Variants in SLC7A14 observed in about 807,000 individuals in gnomAD.
SLC7A14 encodes solute carrier family 7 member 14, also known as gamma-aminobutyric acid transporter SLC7A14.
In SLC7A14, 37 loss-of-function variants were observed where a neutral mutation model predicts 60.2. The observed-to-expected ratio is 0.61, with a 90% CI of 0.47 to 0.81. The LOEUF (loss-of-function observed/expected upper bound fraction) is 0.81, where lower values mean the gene tolerates loss of function less well. Among genes scored for constraint, SLC7A14 ranks in the 30% least tolerant of loss-of-function variants. The pLI is 0.00. For missense variants in SLC7A14, 886 were observed against 982.7 expected (o/e 0.90, Z 1.32); for synonymous variants, 399 against 395.8 (o/e 1.01, Z -0.10).
Position 170,583,660 on chromosome 3 carries a change from C to T in SLC7A14, c.-153+2251G>A, listed in dbSNP as rs868273628. On this transcript the variant is annotated intron_variant, in intron 1 of 7. Coordinates refer to ENST00000231706, the MANE Select transcript of SLC7A14 (RefSeq NM_020949.3). ...AAGCTATTCTAGTTCTAAAATTCAA[C>T]AGTATAATTCTAAATATGAAAGTAC... Among the ~76,000 whole-genome samples the T allele has an allele frequency of 2.0e-5, 3 of 152,196 alleles. No homozygotes were observed. In the South Asian group the frequency reaches 6.2e-4, roughly 32 times the overall value.
In SLC7A14 at chr3:170,463,963, G is replaced by A. The variant is rs1236515870; in HGVS notation, c.*3092C>T. The A allele has an allele frequency of 6.6e-6, 1 of 152,156 alleles. No homozygotes were observed. Among genetic ancestry groups the A allele is most frequent in the Admixed American group, 6.5e-5 (1 of 15,274 alleles). The allele number at this position is 152,156 out of a possible 1,614,324, so 9.4% of individuals were successfully genotyped here. Reference sequence around the variant, plus strand: ...GGGAAAGATTTGTTCTTATCATGCAGAAGTACTTCTTCTTGTCATTACCAC... The same window carrying A: ...GGGAAAGATTTGTTCTTATCATGCAAAAGTACTTCTTCTTGTCATTACCAC... On this transcript the variant is annotated 3_prime_UTR_variant, in exon 8 of 8. Transcript: ENST00000231706.
intron 1 of SLC7A14, among the ~76,000 whole-genome samples, chr3:170,557,619 T>G (rs570914582): frequency 6.6e-6 from 1 of 152,312 alleles, no homozygotes; most frequent in South Asian, 2.1e-4. Flanking sequence ...AAACCTTGGT[T>G]CAAATCGCAG....
chr3:170,486,068 A>ATTT (rs1459180450), intron 5 of SLC7A14, among the ~76,000 whole-genome samples, 154 bp downstream of exon 5: 2 of 151,920 alleles, frequency 1.3e-5, no homozygotes, highest in African/African-American at 4.8e-5. Flanking sequence ...TGGAGTCCTA[A>ATTT]TTTTTTTCTT....
intron 5 of SLC7A14, among the ~76,000 whole-genome samples, chr3:170,485,425 C>T (rs1711995477): frequency 6.6e-6 from 1 of 152,178 alleles, no homozygotes; most frequent in Admixed American, 6.5e-5. Context: ...TGTGGTGACC[C>T]AAGTGAGTGC....
chr3:170,547,723 A>C (rs907667206), intron 1 of SLC7A14, among the ~76,000 whole-genome samples: 5 of 152,130 alleles, frequency 3.3e-5, no homozygotes, highest in African/African-American at 1.2e-4. Flanking sequence ...CACAAAACTG[A>C]GATATTATTT....
At chr3:170,583,944 G>T (rs1715305473) in intron 1 of SLC7A14, among the ~76,000 whole-genome samples, 1 of 152,166 alleles carries the variant, frequency 6.6e-6, no homozygotes, top group Admixed American at 6.5e-5. Context: ...TCATTCTCCT[G>T]CTATAATCTC....
intron 1 of SLC7A14, among the ~76,000 whole-genome samples, chr3:170,544,881 A>G (rs1401282993): frequency 6.6e-6 from 1 of 152,202 alleles, no homozygotes; most frequent in Non-Finnish European, 1.5e-5. Flanking sequence ...CTCCATTCAG[A>G]GCAGATTAGG....
intron 2 of SLC7A14, among the ~76,000 whole-genome samples, chr3:170,513,304 G>A (rs1045274773): frequency 6.6e-5 from 10 of 152,202 alleles, no homozygotes; most frequent in Admixed American, 6.5e-4. Flanking sequence ...AGGAGCAGGT[G>A]TTTGTATCTA....
At chr3:170,545,360 TC>T (rs1434591861) in intron 1 of SLC7A14, among the ~76,000 whole-genome samples, 2 of 152,234 alleles carry the variant, frequency 1.3e-5, no homozygotes, top group South Asian at 4.1e-4. Flanking sequence ...TGAAAGCCTA[TC>T]TTTTCTCCTT....
intron 1 of SLC7A14, among the ~76,000 whole-genome samples, chr3:170,575,405 G>C (rs1229275322): frequency 6.6e-6 from 1 of 152,218 alleles, no homozygotes; most frequent in Non-Finnish European, 1.5e-5. Flanking sequence ...GGCAAAGGAT[G>C]TCATGCTCAT....
chr3:170,577,093 C>T (rs1317186737), intron 1 of SLC7A14, among the ~76,000 whole-genome samples: 2 of 152,146 alleles, frequency 1.3e-5, no homozygotes, highest in Admixed American at 6.5e-5. Context: ...CATCTCTTTC[C>T]TCTGGACTAA....
At position 170,498,790 on chromosome 3, in the gene SLC7A14, G is replaced by A. The variant is rs765250467; in HGVS notation, c.636C>T (p.Gly212=). 42 of 1,614,076 alleles carry A rather than the reference G, an allele frequency of 2.6e-5. No homozygotes were observed. The East Asian group carries it at 8.9e-4, about 34-fold the overall frequency. The change falls in exon 4 of 8, where the codon GGC becomes GGT. Residue 212 remains glycine, a synonymous_variant. Transcript: ENST00000231706. The part of the protein sequence containing the change: ...IVALGVKNSI[G]FNNVLNVLNL... Reference sequence around the variant, plus strand: ...TCAGCACATTGAGAACATTGTTGAAGCCTATGGAATTCTTCACCCCCAGAG... The same window carrying A: ...TCAGCACATTGAGAACATTGTTGAAACCTATGGAATTCTTCACCCCCAGAG...
chr3:170,560,138 T>C (rs939751784), intron 1 of SLC7A14, among the ~76,000 whole-genome samples: 31 of 152,314 alleles, frequency 2.0e-4, no homozygotes, highest in African/African-American at 7.0e-4. Context: ...AGTAATTCTA[T>C]CATTTTAAAT....
intron 7 of SLC7A14, among the ~76,000 whole-genome samples, chr3:170,477,523 C>A (rs1172339085): frequency 6.6e-6 from 1 of 152,162 alleles, no homozygotes; most frequent in African/African-American, 2.4e-5. Flanking sequence ...GTAAGTGAAG[C>A]CCTCAGAATA....
rs964613179 is a variant in SLC7A14 at position 170,535,577 on chromosome 3, G to A, written c.-152-8489C>T. On this transcript the variant is annotated intron_variant, in intron 1 of 7. Coordinates refer to ENST00000231706, the MANE Select transcript of SLC7A14 (RefSeq NM_020949.3). This position sits in a 1 kb window ranked among gnomAD's most constrained non-coding sequence, Gnocchi z 4.3. Reference sequence around the variant, plus strand: ...CCCAGCAGCCCACTGGCTGTGTCCTGGGGAGCTGACATGCTCCCTTGCCCT... The same window carrying A: ...CCCAGCAGCCCACTGGCTGTGTCCTAGGGAGCTGACATGCTCCCTTGCCCT... 6.6e-6 allele frequency among the ~76,000 whole-genome samples: 1 copy of A among 152,128 alleles called. No individual in the cohort carries two copies. The highest frequency in any genetic ancestry group is 2.4e-5 in the African/African-American group (1 of 41,418).
At chr3:170,569,946 C>A (rs1358762218) in intron 1 of SLC7A14, 3 of 152,008 alleles carry the variant, frequency 2.0e-5, no homozygotes, top group Non-Finnish European at 2.9e-5. Flanking sequence ...TTTTGTTGAT[C>A]CTTTCAAAAT....
At chr3:170,585,000 C>T (rs998913413) in intron 1 of SLC7A14, among the ~76,000 whole-genome samples, 1 of 152,166 alleles carries the variant, frequency 6.6e-6, no homozygotes, top group African/African-American at 2.4e-5. Context: ...TGCATCTCTT[C>T]TCGCCTTTGC....
At chr3:170,482,669 C>T (rs147490655) in intron 6 of SLC7A14, among the ~76,000 whole-genome samples, 1 of 152,160 alleles carries the variant, frequency 6.6e-6, no homozygotes, top group East Asian at 1.9e-4. Context: ...TTTTTGGAGT[C>T]GGATGTTCTG....
chr3:170,577,624 CAAAAAAAAAAAAAAAA>C (rs56357954), intron 1 of SLC7A14, among the ~76,000 whole-genome samples: 1 of 52,062 alleles, frequency 1.9e-5, no homozygotes, highest in African/African-American at 6.0e-5. Flanking sequence ...GACTCCGTCT[CAAAAAAAAAAAAAAAA>C]AAAAAAAAGA....
Sources: allele counts gnomAD v4.1 joint callset (sites outside exome capture counted in the v4.1 genomes callset), GRCh38; gene constraint gnomAD v4.1.1; non-coding constraint Gnocchi (gnomAD v3.1); transcripts MANE v1.5; gene names NCBI Gene and HGNC (gene_info 2026-07-23, HGNC 2026-07-21).